Variants in BLOC1S3 observed in about 807,000 individuals in gnomAD.
The protein encoded by BLOC1S3 is biogenesis of lysosomal organelles complex 1 subunit 3, also known as biogenesis of lysosome-related organelles complex 1 subunit 3.
A neutral mutation model predicts 9.1 loss-of-function variants in BLOC1S3; 7 were observed. That is an observed-to-expected ratio of 0.77 (90% CI 0.44 to 1.45). The LOEUF (loss-of-function observed/expected upper bound fraction) is 1.45, where lower values mean the gene tolerates loss of function less well. Ranked by LOEUF, BLOC1S3 falls within the 40% of genes most tolerant of loss-of-function variation. The pLI, the probability that BLOC1S3 is intolerant of heterozygous loss-of-function variation, is 0.01. For synonymous variants in BLOC1S3, 145 were observed against 158.4 expected, an observed-to-expected ratio of 0.92 and a Z score of 0.64; for missense variants, 307 against 315.2, an observed-to-expected ratio of 0.97 and a Z score of 0.20.
chr19:45,197,824 CAAAAAAAAAAA>C (rs55654938), intron 2 of BLOC1S3, among the ~76,000 whole-genome samples: 1 of 63,588 alleles, frequency 1.6e-5, no homozygotes, highest in African/African-American at 6.7e-5. Flanking sequence ...GACTCCGTCT[CAAAAAAAAAAA>C]AAAAAAAAAA....
chr19:45,179,987 C>CT lies in BLOC1S3; in HGVS notation c.*84dup. 6.7e-7 allele frequency: 1 copy of CT among 1,502,122 alleles called. No individual in the cohort carries two copies. Among genetic ancestry groups the CT allele is most frequent in the Non-Finnish European group, 9.0e-7 (1 of 1,105,880 alleles). 93.0% of individuals were successfully genotyped at this position (1,502,122 alleles called of 1,614,324 possible). ...GGACCTGACTCTGTCTCCTGTGTCT[C>CT]TTATCACCCCCCACCCCCGCTCCCA... On this transcript the variant is annotated 3_prime_UTR_variant, in exon 2 of 2. Coordinates refer to ENST00000433642, the MANE Select transcript of BLOC1S3 (RefSeq NM_212550.5). This position sits in a 1 kb window ranked among gnomAD's most constrained non-coding sequence, Gnocchi z 4.6.
chr19:45,200,313 C>T lies in BLOC1S3; in HGVS notation n.181-2093C>T, dbSNP rs10408920. Among the ~76,000 whole-genome samples the T allele has an allele frequency of 7.0e-3, 1,063 of 151,936 alleles. 10 individuals carry two copies. Among genetic ancestry groups the T allele is most frequent in the African/African-American group, 0.024 (989 of 41,450 alleles). ...CCTCCTGCCTCAGCCTTCCGAGTAG[C>T]TGGGACTACAGGCGCCTACCACCAC... On this transcript the variant is annotated intron_variant and non_coding_transcript_variant, in intron 2 of 3. Coordinates refer to the BLOC1S3 transcript ENST00000591569.
intron 2 of BLOC1S3, among the ~76,000 whole-genome samples, chr19:45,197,811 C>T (rs926479559): frequency 9.4e-5 from 11 of 116,918 alleles, no homozygotes; most frequent in East Asian, 2.4e-4. Context: ...GGTGGCTGAG[C>T]GAGACTCCGT....
intron 2 of BLOC1S3, among the ~76,000 whole-genome samples, chr19:45,188,341 A>AT (rs147971698): frequency 1.3e-5 from 2 of 150,482 alleles, no homozygotes; most frequent in Admixed American, 1.3e-4. Context: ...CCTTTTCGTT[A>AT]TTTTTTTTCT....
Position 45,179,495 on chromosome 19 carries a change from C to A in BLOC1S3, c.199C>A (p.Pro67Thr). The change falls in exon 2 of 2, where the codon CCG becomes ACG. Residue 67 changes from proline to threonine, a missense_variant. By Grantham distance (38) the Pro-to-Thr change is conservative. Coordinates refer to ENST00000433642, the MANE Select transcript of BLOC1S3 (RefSeq NM_212550.5). This position sits in a 1 kb window ranked among gnomAD's most constrained non-coding sequence, Gnocchi z 4.6. Reference sequence around the variant, plus strand: ...GGAAGCCGCGGAGACCGACTCGGAGCCGGAGCCGGAGCCGGAACCGACGGC... The same window carrying A: ...GGAAGCCGCGGAGACCGACTCGGAGACGGAGCCGGAGCCGGAACCGACGGC... ...AGEAAETDSE[P>T]EPEPEPTAAP... The A allele has an allele frequency of 6.6e-7, 1 of 1,522,444 alleles. No individual in the cohort carries two copies. The highest frequency in any genetic ancestry group is 8.8e-7 in the Non-Finnish European group (1 of 1,141,824). The allele number at this position is 1,522,444 out of a possible 1,614,324, so 94.3% of individuals were successfully genotyped here.
chr19:45,204,660 C>A (rs939823237), intron 3 of BLOC1S3, among the ~76,000 whole-genome samples: 53 of 152,286 alleles, frequency 3.5e-4, no homozygotes, highest in African/African-American at 1.2e-3. Context: ...AGTTATCTAT[C>A]TCTCTCTCCA....
intron 2 of BLOC1S3, among the ~76,000 whole-genome samples, chr19:45,195,232 G>A (rs1969638605): frequency 6.6e-6 from 1 of 151,930 alleles, no homozygotes; most frequent in South Asian, 2.1e-4. Context: ...TTTTGAGGCA[G>A]GGTCTCACTC....
At chr19:45,186,393 G>A (rs1969566075), downstream of BLOC1S3, among the ~76,000 whole-genome samples, 2 of 151,962 alleles carry the variant, frequency 1.3e-5, no homozygotes, top group South Asian at 4.1e-4. Flanking sequence ...GAACTCCTGG[G>A]CTCAAGCAAT....
At chr19:45,184,112 C>CTCCCTCCT (rs1969548491), downstream of BLOC1S3, among the ~76,000 whole-genome samples, 1 of 152,106 alleles carries the variant, frequency 6.6e-6, no homozygotes, top group Non-Finnish European at 1.5e-5. Context: ...TTCTTTTTCC[C>CTCCCTCCT]TCCCTCCTTC....
chr19:45,180,189 G>A lies in BLOC1S3; in HGVS notation c.*284G>A. 3.1e-6 allele frequency: 1 copy of A among 323,756 alleles called. No individual in the cohort carries two copies. The allele number at this position is 323,756 out of a possible 1,614,324, so 20.1% of individuals were successfully genotyped here. Reference sequence around the variant, plus strand: ...CCCCTGGGGCTTGGCTCCAGCCTTTGTTACATAGTTGCTCCTTAATCTGTT... The same window carrying A: ...CCCCTGGGGCTTGGCTCCAGCCTTTATTACATAGTTGCTCCTTAATCTGTT... On this transcript the variant is annotated 3_prime_UTR_variant, in exon 2 of 2. Coordinates refer to ENST00000433642, the MANE Select transcript of BLOC1S3 (RefSeq NM_212550.5).
chr19:45,186,538 C>T (rs1011543616), downstream of BLOC1S3, among the ~76,000 whole-genome samples: 1 of 152,076 alleles, frequency 6.6e-6, no homozygotes, highest in Non-Finnish European at 1.5e-5. Context: ...AACCGTGTCT[C>T]TACTAAAAAT....
Position 45,216,077 on chromosome 19 carries a change from T to G in BLOC1S3, n.283-599T>G, listed in dbSNP as rs758395470. ...GGCCCAGGCGGGGTGTCTCACCTGA[T>G]GTCTGGGTAGTCGCGCACCAACACT... On this transcript the variant is annotated intron_variant and non_coding_transcript_variant, in intron 3 of 3. Coordinates refer to the BLOC1S3 transcript ENST00000591569. 5 of 1,613,738 alleles carry G rather than the reference T, an allele frequency of 3.1e-6. No homozygotes were observed. The East Asian group carries it at 1.1e-4, about 36-fold the overall frequency.
At chr19:45,183,623 CTTTTTTTT>C (rs57651816), downstream of BLOC1S3, among the ~76,000 whole-genome samples, 2 of 105,112 alleles carry the variant, frequency 1.9e-5, no homozygotes, top group Middle Eastern at 4.7e-3. Flanking sequence ...CTTTTCTTTT[CTTTTTTTT>C]TTTTTTTTTT....
At position 45,179,972 on chromosome 19, in the gene BLOC1S3, C is replaced by G; in HGVS notation, c.*67C>G. On this transcript the variant is annotated 3_prime_UTR_variant, in exon 2 of 2. Coordinates refer to ENST00000433642, the MANE Select transcript of BLOC1S3 (RefSeq NM_212550.5). The surrounding 1 kb of genome is among the most constrained non-coding windows in gnomAD (Gnocchi z 4.6). ...GCCTTGCTGCCTCTGGGACCTGACT[C>G]TGTCTCCTGTGTCTCTTATCACCCC... 1 of 1,554,958 alleles carries G rather than the reference C, an allele frequency of 6.4e-7. No individual in the cohort carries two copies.
chr19:45,186,072 C>T (rs1969563835), downstream of BLOC1S3, among the ~76,000 whole-genome samples: 1 of 151,730 alleles, frequency 6.6e-6, no homozygotes, highest in South Asian at 2.1e-4. Context: ...AAGATTGCGC[C>T]ACTGCACTCC....
chr19:45,212,224 C>A (rs893707730), intron 3 of BLOC1S3, among the ~76,000 whole-genome samples: 1 of 152,182 alleles, frequency 6.6e-6, no homozygotes, highest in Non-Finnish European at 1.5e-5. Context: ...GGCGTCGCTC[C>A]CAGCACATGC....
At chr19:45,184,180 C>A (rs1164036886), downstream of BLOC1S3, among the ~76,000 whole-genome samples, 2 of 152,104 alleles carry the variant, frequency 1.3e-5, no homozygotes, top group African/African-American at 4.8e-5. Context: ...TCTTGAACTC[C>A]TGGCCTCAAT....
intron 3 of BLOC1S3, among the ~76,000 whole-genome samples, chr19:45,205,142 C>G (rs4461181): frequency 0.14 from 20,625 of 150,680 alleles, 1,419 homozygotes; most frequent in African/African-American, 0.16. Context: ...AAGCATGACC[C>G]AACTCTATGC....
intron 3 of BLOC1S3, chr19:45,213,340 G>A: frequency 2.5e-6 from 4 of 1,613,404 alleles, no homozygotes; most frequent in Non-Finnish European, 3.4e-6. Context: ...GTCGAGGAGG[G>A]CTGCCACGTG....
Sources: allele counts gnomAD v4.1 joint callset (sites outside exome capture counted in the v4.1 genomes callset), GRCh38; gene constraint gnomAD v4.1.1; non-coding constraint Gnocchi (gnomAD v3.1); transcripts MANE v1.5; gene names NCBI Gene and HGNC (gene_info 2026-07-23, HGNC 2026-07-21).